Variants in P2RY14 observed in about 807,000 individuals in gnomAD.
P2RY14 encodes purinergic receptor P2Y14.
A neutral mutation model predicts 0.9 loss-of-function variants in P2RY14; 2 were observed. The observed-to-expected ratio is 2.16, with a 90% CI of 0.88 to 6.79. The LOEUF (loss-of-function observed/expected upper bound fraction) is 6.79, where lower values mean the gene tolerates loss of function less well. Ranked by LOEUF, P2RY14 falls within the 30% of genes most tolerant of loss-of-function variation. The pLI is 0.05. For synonymous variants in P2RY14, 158 were observed against 147.2 expected (o/e 1.07, Z -0.53); for missense variants, 378 against 400.1 (o/e 0.94, Z 0.47).
chr3:151,262,508 C>G (rs1203073207), intron 1 of P2RY14, among the ~76,000 whole-genome samples: 1 of 152,168 alleles, frequency 6.6e-6, no homozygotes, highest in Non-Finnish European at 1.5e-5. Flanking sequence ...TTACATAGTT[C>G]AGCCTTTTGG....
At chr3:151,254,393 A>G (rs1210676816) in intron 1 of P2RY14, among the ~76,000 whole-genome samples, 1 of 152,172 alleles carries the variant, frequency 6.6e-6, no homozygotes, top group Non-Finnish European at 1.5e-5. Flanking sequence ...GCAACTCCCT[A>G]ATTTCATCTA....
chr3:151,245,885 C>G (rs1735336054), intron 1 of P2RY14, among the ~76,000 whole-genome samples: 1 of 151,456 alleles, frequency 6.6e-6, no homozygotes, highest in African/African-American at 2.4e-5. Context: ...CGTTTCAGCC[C>G]AAAATCTCCT....
intron 1 of P2RY14, among the ~76,000 whole-genome samples, chr3:151,224,900 AG>A (rs1302709420): frequency 1.3e-5 from 2 of 152,146 alleles, no homozygotes; most frequent in African/African-American, 2.4e-5. Flanking sequence ...TCCTTTGCCA[AG>A]GCCGTTTGTT....
intron 1 of P2RY14, among the ~76,000 whole-genome samples, chr3:151,245,976 A>G (rs1735363105): frequency 6.6e-6 from 1 of 151,078 alleles, no homozygotes; most frequent in South Asian, 2.1e-4. Flanking sequence ...TACACCAGCA[A>G]CAGACAAACA....
At chr3:151,225,318 T>A (rs558981538) in intron 1 of P2RY14, among the ~76,000 whole-genome samples, 15 of 152,324 alleles carry the variant, frequency 9.8e-5, no homozygotes, top group African/African-American at 3.6e-4. Flanking sequence ...ATACTACGTA[T>A]TGAGTCATTT....
intron 2 of P2RY14, 28 bp downstream of exon 2, chr3:151,219,507 A>C (rs1344083899): frequency 6.6e-6 from 1 of 152,216 alleles, no homozygotes; most frequent in Non-Finnish European, 1.5e-5. Context: ...AAAGCTCTTG[A>C]TAATACTTGA....
chr3:151,216,221 C>T (rs75661293), intron 2 of P2RY14, among the ~76,000 whole-genome samples: 1,906 of 152,248 alleles, frequency 0.013, 33 homozygotes, highest in African/African-American at 0.038. Context: ...AATATGCACT[C>T]TGGGAATACA....
At chr3:151,246,618 A>G (rs2149419298) in intron 1 of P2RY14, among the ~76,000 whole-genome samples, 1 of 152,326 alleles carries the variant, frequency 6.6e-6, no homozygotes, top group African/African-American at 2.4e-5. Flanking sequence ...ACAAAAATCA[A>G]TTCAAGATGG....
intron 1 of P2RY14, among the ~76,000 whole-genome samples, chr3:151,262,929 G>C (rs189480609): frequency 1.3e-5 from 2 of 152,270 alleles, no homozygotes; most frequent in Admixed American, 1.3e-4. Flanking sequence ...CTGAAGACAC[G>C]TAGCTGGTAA....
chr3:151,233,184 G>A (rs923888290), intron 1 of P2RY14, among the ~76,000 whole-genome samples: 1 of 152,072 alleles, frequency 6.6e-6, no homozygotes, highest in East Asian at 1.9e-4. Flanking sequence ...GGATGTTGAC[G>A]AGCCCGGCTG....
chr3:151,256,874 T>A (rs1485046200), intron 1 of P2RY14, among the ~76,000 whole-genome samples: 6 of 151,676 alleles, frequency 4.0e-5, no homozygotes, highest in East Asian at 1.9e-4. Context: ...TTTTTTTTTT[T>A]AAATGGGTCA....
At chr3:151,243,008 G>A (rs1253711783) in intron 1 of P2RY14, among the ~76,000 whole-genome samples, 22 of 151,768 alleles carry the variant, frequency 1.4e-4, no homozygotes, top group African/African-American at 5.3e-4. Flanking sequence ...CTGGAAGAAA[G>A]GGTATCAGCG....
At chr3:151,238,369 A>G (rs1733365634) in intron 1 of P2RY14, among the ~76,000 whole-genome samples, 2 of 151,972 alleles carry the variant, frequency 1.3e-5, no homozygotes, top group Non-Finnish European at 2.9e-5. Flanking sequence ...CTGGTCTCGA[A>G]CTCCTGACCT....
intron 1 of P2RY14, among the ~76,000 whole-genome samples, chr3:151,265,995 G>A (rs962097838): frequency 6.6e-6 from 1 of 152,202 alleles, no homozygotes; most frequent in Non-Finnish European, 1.5e-5. Flanking sequence ...ATTGTTGTCT[G>A]TGCCTTCAGG....
intron 1 of P2RY14, among the ~76,000 whole-genome samples, chr3:151,237,354 T>TTC (rs1029060868): frequency 7.8e-6 from 1 of 128,676 alleles, no homozygotes; most frequent in African/African-American, 3.3e-5. Flanking sequence ...TTTTTTCTTT[T>TTC]TTTTTTTTTT....
chr3:151,215,293 A>T (rs1198041285), intron 2 of P2RY14, among the ~76,000 whole-genome samples: 1 of 152,224 alleles, frequency 6.6e-6, no homozygotes, highest in African/African-American at 2.4e-5. Flanking sequence ...CACTTGAAAT[A>T]TGGCCAGTCC....
At chr3:151,226,683 T>C (rs1411252238) in intron 1 of P2RY14, among the ~76,000 whole-genome samples, 1 of 152,172 alleles carries the variant, frequency 6.6e-6, no homozygotes, top group Non-Finnish European at 1.5e-5. Flanking sequence ...GTTTTTGATC[T>C]GAGTTTTAAG....
intron 2 of P2RY14, among the ~76,000 whole-genome samples, chr3:151,218,906 G>T (rs1436572956): frequency 2.0e-5 from 3 of 147,094 alleles, no homozygotes; most frequent in East Asian, 2.0e-4. Context: ...AAGAGGGGGG[G>T]TATACTGTAA....
At chr3:151,221,555 T>A (rs28831788) in intron 1 of P2RY14, among the ~76,000 whole-genome samples, 21,441 of 152,120 alleles carry the variant, frequency 0.14, 1,595 homozygotes, top group Middle Eastern at 0.17. Context: ...GCCACTCTAG[T>A]GTGGCTGAAA....
Sources: gnomAD v4.1 joint callset for allele counts (sites outside exome capture counted in the v4.1 genomes callset) on GRCh38, gnomAD v4.1.1 for gene constraint, MANE v1.5 for transcripts, NCBI Gene and HGNC (gene_info 2026-07-23, HGNC 2026-07-21) for gene names.